The following TTN variants were observed in gnomAD, a reference collection of about 807,000 sequenced individuals.
TTN encodes titin, also known as connectin.
TTN carries 1,525 observed loss-of-function variants against 3,223.0 expected under a neutral mutation model. That is an observed-to-expected ratio of 0.47 (90% CI 0.45 to 0.49). The LOEUF (loss-of-function observed/expected upper bound fraction) is 0.49, where lower values mean the gene tolerates loss of function less well. TTN is among the 20% of genes least tolerant of loss of function. The pLI is 0.00. For synonymous variants in TTN, 14,094 were observed against 15,161.0 expected (o/e 0.93, Z 5.17); for missense variants, 40,786 against 43,424.0 (o/e 0.94, Z 5.40).
chr2:178,706,993 TC>T, intron 100 of TTN, 39 bp from the exon 101 acceptor site: 7 of 1,540,654 alleles, frequency 4.5e-6, no homozygotes, highest in African/African-American at 1.4e-5. Flanking sequence ...TACAATCACC[TC>T]AGAATTACAA....
chr2:178,532,964 T>A lies in TTN; in HGVS notation c.103651A>T (p.Thr34551Ser). ...ATGCGTTGGTCTTCTTCTATGGTAGTCTGCTTATACTTGCGTGGCTCTGGT... is the reference window on the plus strand; with the variant it reads ...ATGCGTTGGTCTTCTTCTATGGTAGACTGCTTATACTTGCGTGGCTCTGGT... The part of the protein sequence containing the change: ...DVPEPRKYKQ[T>S]TIEEDQRIKQ... Residue 34551 changes from threonine (T) to serine (S), a missense_variant, in exon 358 of 363, where the codon ACT (threonine) becomes TCT (serine). Physicochemically the swap from Thr to Ser is moderately conservative, Grantham distance 58 (BLOSUM62 1). Transcript: ENST00000589042. 6.2e-7 allele frequency: 1 copy of A among 1,613,954 alleles called. No individual in the cohort carries two copies. The highest frequency in any genetic ancestry group is 8.5e-7 in the Non-Finnish European group (1 of 1,179,864).
Position 178,557,786 on chromosome 2 carries a change from C to T in TTN, c.87568G>A (p.Ala29190Thr). Reference protein sequence around the residue: ...TSTAVWTEVSATVARTMMKVM... With the variant: ...TSTAVWTEVSTTVARTMMKVM... ...TTCATCATGGTTCTTGCAACTGTTG[C>T]AGACACTTCAGTCCACACTGCAGTA... Residue 29190 changes from alanine to threonine, a missense_variant, in exon 328 of 363, where the codon GCA (alanine) becomes ACA (threonine). Ala to Thr is a moderately conservative substitution (Grantham distance 58). Transcript: ENST00000589042. 2 of 1,613,948 alleles carry T rather than the reference C, an allele frequency of 1.2e-6. No individual in the cohort carries two copies. Among genetic ancestry groups the T allele is most frequent in the East Asian group, 2.2e-5 (1 of 44,880 alleles).
At chr2:178,644,711 T>G in intron 217 of TTN, 95 bp from the exon 218 acceptor site, 2 of 967,966 alleles carry the variant, frequency 2.1e-6, no homozygotes, top group Non-Finnish European at 3.0e-6. Flanking sequence ...AAGCTTTGCT[T>G]ATAACCAGAA....
Position 178,530,889 on chromosome 2 carries a change from T to C in TTN, c.105726A>G (p.Lys35242=). The stretch of plus-strand genomic sequence containing the variant: ...TTGGAGACTTAACTGCTTCTGGGGA[T>C]TTCACCCGAGGCTCTGGGGATTTGA... ...PRVKSPEPRV[K]SPEAVKSPKR... is the part of the protein sequence containing the mutation. The change falls in exon 358 of 363, where the codon AAA becomes AAG. Residue 35242 remains lysine, a synonymous_variant. Coordinates refer to ENST00000589042, the MANE Select transcript of TTN (RefSeq NM_001267550.2). 1.2e-6 allele frequency: 2 copies of C among 1,613,866 alleles called. No individual in the cohort carries two copies. The highest frequency in any genetic ancestry group is 1.1e-5 in the South Asian group (1 of 91,078).
rs2069909577 is a variant in TTN, at chr2:178,683,198, A to G, written c.32887+13T>C. On this transcript the variant is annotated intron_variant, in intron 134 of 362. Transcript: ENST00000589042. ...TTTCATGCCTCACATTACTTAATCA[A>G]AGTTCAATATACCTTTGATGGGTTG... 1 of 1,533,306 alleles carries G rather than the reference A, an allele frequency of 6.5e-7. No homozygotes were observed. 95.0% of individuals were successfully genotyped at this position (1,533,306 alleles called of 1,614,324 possible). A position where few individuals can be genotyped will look rare whatever the true frequency, so the allele number is the denominator to read the frequency against.
Position 178,532,790 on chromosome 2 carries a change from G to A in TTN, c.103825C>T (p.Pro34609Ser). The change falls in exon 358 of 363, where the codon CCA becomes TCA. Residue 34609 changes from proline to serine, a missense_variant. Transcript: ENST00000589042. The stretch of plus-strand genomic sequence containing the variant: ...GGTCTGTATTGATCTGTAATGCGTG[G>A]AAGAGGCATCACATAGAACTGTTCC... ...RWEQFYVMPLPRITDQYRPKW... is the reference protein window; with the variant it reads ...RWEQFYVMPLSRITDQYRPKW... 6.2e-7 allele frequency: 1 copy of A among 1,613,928 alleles called. No homozygotes were observed. Among genetic ancestry groups the A allele is most frequent in the East Asian group, 2.2e-5 (1 of 44,874 alleles).
At chr2:178,542,197 C>CA (rs1270022372) in intron 349 of TTN, 67 bp downstream of exon 349, 45 of 1,469,322 alleles carry the variant, frequency 3.1e-5, no homozygotes. Context: ...ATATTAAAAA[C>CA]AAATTCTTTT....
Position 178,678,514 on chromosome 2 carries a change from T to TA in TTN, c.33827-18dup. 1 of 1,541,500 alleles carries TA rather than the reference T, an allele frequency of 6.5e-7. No individual in the cohort carries two copies. Among genetic ancestry groups the TA allele is most frequent in the South Asian group, 1.3e-5 (1 of 78,564 alleles). ...CCTCTGGCACTTTAACGAAATGATT[T>TA]AGAGAAAAATTTTATACGACATAAA... On this transcript the variant is annotated splice_polypyrimidine_tract_variant and intron_variant, in intron 143 of 362. Transcript: ENST00000589042.
In TTN at chr2:178,560,136, T is replaced by G. The variant is rs755715518; in HGVS notation, c.85996A>C (p.Thr28666Pro). ...TTAACCCAGGCAATAGTTATAGTTG[T>G]CTTGCCTGAGTCCACAATTTTGGGT... is the stretch of plus-strand genomic sequence containing the variant. ...SKPKIVDSGK[T>P]TITIAWVKPL... Residue 28666 changes from threonine to proline, a missense_variant, in exon 326 of 363, where the codon ACA (threonine) becomes CCA (proline). By Grantham distance (38) the Thr-to-Pro change is conservative. Coordinates refer to ENST00000589042, the MANE Select transcript of TTN (RefSeq NM_001267550.2). 1 of 1,613,712 alleles carries G rather than the reference T, an allele frequency of 6.2e-7. No individual in the cohort carries two copies. Among genetic ancestry groups the G allele is most frequent in the Non-Finnish European group, 8.5e-7 (1 of 1,179,722 alleles).
chr2:178,669,309 C>G, intron 159 of TTN, 64 bp downstream of exon 159: 1 of 1,336,646 alleles, frequency 7.5e-7, no homozygotes, highest in South Asian at 1.4e-5. Context: ...GCTAAAAAGA[C>G]AAACATAGTG....
Position 178,770,419 on chromosome 2 carries a change from G to C in TTN, c.8373C>G (p.His2791Gln), listed in dbSNP as rs566816279. Residue 2791 changes from histidine to glutamine, a missense_variant, in exon 35 of 363, where the codon CAC (histidine) becomes CAG (glutamine). Coordinates refer to ENST00000589042, the MANE Select transcript of TTN (RefSeq NM_001267550.2). ...GTTTCTAAATCAACTTACTCTCCAC[G>C]TGCAGTCTGGCACTGGCTCCAAGCC... is the stretch of plus-strand genomic sequence containing the variant. ...LGRLGASARL[H>Q]VETVKIIKKP... The C allele has an allele frequency of 6.2e-7, 1 of 1,614,088 alleles. No homozygotes were observed. The highest frequency in any genetic ancestry group is 8.5e-7 in the Non-Finnish European group (1 of 1,180,014).
rs759448340 is a variant in TTN at position 178,773,597 on chromosome 2, G to A, written c.7459C>T (p.Pro2487Ser). The A allele has an allele frequency of 6.2e-7, 1 of 1,613,970 alleles. No homozygotes were observed. The highest frequency in any genetic ancestry group is 8.5e-7 in the Non-Finnish European group (1 of 1,179,956). ...ACAATGGCCTGTACACGGTCATCAG[G>A]CTTGATTTGTTCATCATTTAAGTAC... ...KWYLNDEQIK[P>S]DDRVQAIVKG... The change falls in exon 32 of 363, where the codon CCT becomes TCT. Residue 2487 changes from proline to serine, a missense_variant. Pro to Ser is a moderately conservative substitution (Grantham distance 74). Coordinates refer to ENST00000589042, the MANE Select transcript of TTN (RefSeq NM_001267550.2).
In TTN at chr2:178,537,724, C is replaced by A. The variant is rs1190762492; in HGVS notation, c.99483G>T (p.Met33161Ile). ...CACCTTCATCTTCCTGTTCCTCTGT[C>A]ATTACTGTAAGAGTGTGTGTGCGTC... ...SDGRTHTLTV[M>I]TEEQEDEGVY... Residue 33161 changes from methionine (M) to isoleucine (I), a missense_variant, in exon 355 of 363, where the codon ATG (methionine) becomes ATT (isoleucine). Physicochemically the swap from Met to Ile is conservative, Grantham distance 10. Transcript: ENST00000589042. 6.2e-7 allele frequency: 1 copy of A among 1,613,676 alleles called. No individual in the cohort carries two copies. Among genetic ancestry groups the A allele is most frequent in the African/African-American group, 1.3e-5 (1 of 74,902 alleles).
chr2:178,693,198 T>C (rs2072895005), intron 119 of TTN, among the ~76,000 whole-genome samples: 1 of 152,138 alleles, frequency 6.6e-6, no homozygotes, highest in East Asian at 1.9e-4. Flanking sequence ...AATAGGAGTT[T>C]TGAGTATTTA....
In TTN at chr2:178,567,852, T is replaced by A; in HGVS notation, c.78280A>T (p.Thr26094Ser). The change falls in exon 326 of 363, where the codon ACC becomes TCC. Residue 26094 changes from threonine (T) to serine (S), a missense_variant. Transcript: ENST00000589042. Reference protein sequence around the residue: ...VARDPCDPPGTPEPIMVKRNE... With the variant: ...VARDPCDPPGSPEPIMVKRNE... ...CTTTTAACCATTATTGGTTCTGGGG[T>A]TCCTGGTGGGTCACAGGGATCTCTG... 6.2e-7 allele frequency: 1 copy of A among 1,613,552 alleles called. No individual in the cohort carries two copies. Among genetic ancestry groups the A allele is most frequent in the Non-Finnish European group, 8.5e-7 (1 of 1,179,616 alleles).
intron 157 of TTN, 56 bp downstream of exon 157, chr2:178,670,162 T>A: frequency 8.6e-7 from 1 of 1,166,270 alleles, no homozygotes; most frequent in Non-Finnish European, 1.1e-6. Context: ...CTCTCTTACA[T>A]AGTAAGTGAA....
Position 178,563,268 on chromosome 2 carries a change from G to T in TTN, c.82864C>A (p.Pro27622Thr), listed in dbSNP as rs769189431. The T allele has an allele frequency of 9.9e-6, 16 of 1,613,524 alleles. No homozygotes were observed. In the African/African-American group the frequency reaches 1.9e-4, roughly 19 times the overall value. The change falls in exon 326 of 363, where the codon CCA (proline) becomes ACA (threonine). Residue 27622 changes from proline (P) to threonine (T), a missense_variant. Physicochemically the swap from Pro to Thr is conservative, Grantham distance 38. Transcript: ENST00000589042. The surrounding 1 kb of genome is among the most constrained non-coding windows in gnomAD (Gnocchi z 4.5). The part of the protein sequence containing the change: ...AAADEWTTCT[P>T]PTGLQGKQFT... ...TGCTTTCCTTGTAATCCTGTTGGTG[G>T]AGTGCAGGTTGTCCATTCATCCGCA...
intron 29 of TTN, 96 bp downstream of exon 29, chr2:178,774,825 T>A (rs2092012308): frequency 1.4e-6 from 2 of 1,402,314 alleles, no homozygotes; most frequent in Non-Finnish European, 2.0e-6. Context: ...TCCAAATAAT[T>A]GTTTCATGAA....
intron 91 of TTN, 24 bp from the exon 92 acceptor site, chr2:178,714,199 C>T: frequency 6.3e-7 from 1 of 1,594,636 alleles, no homozygotes. Flanking sequence ...TAAAAGATAT[C>T]CATATTTTAA....
Sources: gnomAD v4.1 joint callset for allele counts (sites outside exome capture counted in the v4.1 genomes callset) on GRCh38, gnomAD v4.1.1 for gene constraint, Gnocchi (gnomAD v3.1) non-coding constraint, MANE v1.5 for transcripts, NCBI Gene and HGNC (gene_info 2026-07-23, HGNC 2026-07-21) for gene names.